Variants in LIN28B observed in about 807,000 individuals in gnomAD.
The protein encoded by LIN28B is lin-28 RNA binding posttranscriptional regulator B.
Under a neutral mutation model 21.9 loss-of-function variants are expected in LIN28B, and 5 were observed. The ratio of observed to expected loss-of-function variants is 0.23; its 90% CI spans 0.12 to 0.48. The LOEUF is 0.48. LIN28B is among the 20% of genes least tolerant of loss of function. The probability of loss-of-function intolerance (pLI) is 0.98; values close to 1 mark genes in which losing one functional copy is unlikely to be tolerated. For missense variants in LIN28B, 245 were observed against 310.5 expected (o/e 0.79, Z 1.58); for synonymous variants, 109 against 111.3 (o/e 0.98, Z 0.13).
chr6:104,997,518 G>T (rs1049921354), intron 2 of LIN28B, among the ~76,000 whole-genome samples: 2 of 151,618 alleles, frequency 1.3e-5, no homozygotes, highest in Non-Finnish European at 2.9e-5. Flanking sequence ...ATATAATATA[G>T]TACCAACAAA....
chr6:105,048,245 T>C (rs1374885264), intron 3 of LIN28B, among the ~76,000 whole-genome samples: 2 of 152,246 alleles, frequency 1.3e-5, no homozygotes, highest in African/African-American at 4.8e-5. Context: ...TTGAATTTCG[T>C]CAAAGGCCTT....
chr6:105,055,595 T>C (rs1268465967), intron 3 of LIN28B, among the ~76,000 whole-genome samples: 1 of 152,158 alleles, frequency 6.6e-6, no homozygotes, highest in African/African-American at 2.4e-5. Flanking sequence ...TATTTCTTTA[T>C]TTTCTTTGAT....
At chr6:105,003,663 C>T (rs904904171) in intron 2 of LIN28B, among the ~76,000 whole-genome samples, 5 of 152,030 alleles carry the variant, frequency 3.3e-5, no homozygotes, top group African/African-American at 9.7e-5. Flanking sequence ...CAGGGGTGCG[C>T]CACCATGCCC....
At position 105,057,908 on chromosome 6, in the gene LIN28B, A is replaced by G. The variant is rs1772050827; in HGVS notation, c.384-20506A>G. On this transcript the variant is annotated intron_variant, in intron 3 of 3. Transcript: ENST00000345080. ...GAAGTGTTGCTTTAAACAAGTTAAA[A>G]CATACTTATTTTATAGTCTGAATCT... 2.0e-5 allele frequency among the ~76,000 whole-genome samples: 3 copies of G among 152,174 alleles called. No individual in the cohort carries two copies. In the South Asian group the frequency reaches 6.2e-4, roughly 32 times the overall value.
chr6:105,040,205 A>T (rs978558347), intron 3 of LIN28B, among the ~76,000 whole-genome samples: 5 of 152,138 alleles, frequency 3.3e-5, no homozygotes, highest in Non-Finnish European at 7.4e-5. Flanking sequence ...AAGCATTCTT[A>T]CATTCCTGTG....
rs369733071 is a variant in LIN28B at position 104,969,880 on chromosome 6, C to T, written c.198+11594C>T. ...TTTATGAGCTGTTCCAATAATGGTG[C>T]AAAGACTACATCTAGACCCAGGTTT... is the stretch of plus-strand genomic sequence containing the variant. On this transcript the variant is annotated intron_variant, in intron 2 of 3. Coordinates refer to ENST00000345080, the MANE Select transcript of LIN28B (RefSeq NM_001004317.4). Among the ~76,000 whole-genome samples, 117 of 152,304 alleles carry T rather than the reference C, an allele frequency of 7.7e-4. 1 individual carries two copies. In the South Asian group the frequency reaches 0.021, roughly 28 times the overall value.
chr6:104,958,023 C>A, intron 1 of LIN28B, 76 bp from the exon 2 acceptor site: 1 of 1,051,390 alleles, frequency 9.5e-7, no homozygotes, highest in South Asian at 3.2e-5. Flanking sequence ...CCCAGGCAGG[C>A]AATTTTTTTT....
chr6:105,034,959 G>A (rs170276), intron 3 of LIN28B, among the ~76,000 whole-genome samples: 114,009 of 151,790 alleles, frequency 0.75, 43,035 homozygotes, highest in East Asian at 0.96. Flanking sequence ...TTTAGAGCAA[G>A]TAAGCTGAAA....
At chr6:105,066,841 T>C (rs562547467) in intron 3 of LIN28B, among the ~76,000 whole-genome samples, 1 of 152,146 alleles carries the variant, frequency 6.6e-6, no homozygotes, top group South Asian at 2.1e-4. Context: ...AATATGACTT[T>C]AGAATGACTT....
intron 3 of LIN28B, among the ~76,000 whole-genome samples, chr6:105,051,206 C>G (rs191616822): frequency 4.5e-4 from 68 of 151,548 alleles, no homozygotes; most frequent in Admixed American, 3.0e-3. Flanking sequence ...TTTGGGAGGC[C>G]GAGTCGGGTG....
At chr6:105,040,520 T>C (rs1288910432) in intron 3 of LIN28B, among the ~76,000 whole-genome samples, 1 of 152,040 alleles carries the variant, frequency 6.6e-6, no homozygotes, top group Admixed American at 6.5e-5. Context: ...TGTTTTATAA[T>C]GTATACTAGT....
chr6:105,036,973 T>C (rs181797869), intron 3 of LIN28B, among the ~76,000 whole-genome samples: 40 of 152,244 alleles, frequency 2.6e-4, no homozygotes, highest in East Asian at 1.7e-3. Context: ...TATGTAGATG[T>C]TTAAATGAAC....
chr6:105,017,357 C>T (rs1771051400), intron 2 of LIN28B, among the ~76,000 whole-genome samples: 1 of 152,092 alleles, frequency 6.6e-6, no homozygotes, highest in African/African-American at 2.4e-5. Context: ...ATTCTCCATA[C>T]ATGTTTGTCT....
At chr6:104,947,957 G>T (rs904739375) in intron 2 of LIN28B, among the ~76,000 whole-genome samples, 1 of 151,948 alleles carries the variant, frequency 6.6e-6, no homozygotes, top group Non-Finnish European at 1.5e-5. Context: ...CATTTTCATG[G>T]ACTGTTATAA....
chr6:105,031,897 A>T (rs1171404269), intron 3 of LIN28B, among the ~76,000 whole-genome samples: 3 of 152,064 alleles, frequency 2.0e-5, no homozygotes, highest in Non-Finnish European at 4.4e-5. Context: ...CAGAAAGTTT[A>T]TTACCCCCAA....
intron 3 of LIN28B, among the ~76,000 whole-genome samples, chr6:105,061,910 T>C (rs942327499): frequency 6.6e-6 from 1 of 152,052 alleles, no homozygotes; most frequent in Admixed American, 6.5e-5. Flanking sequence ...AAATATTACA[T>C]TGTAAAATAT....
At chr6:104,940,547 G>C (rs915945338) in intron 2 of LIN28B, 1 of 150,816 alleles carries the variant, frequency 6.6e-6, no homozygotes, top group Non-Finnish European at 1.5e-5. Flanking sequence ...CCCGGCCCTG[G>C]AATGAATGGA....
At chr6:104,984,535 C>T (rs1173308244) in intron 2 of LIN28B, among the ~76,000 whole-genome samples, 1 of 151,758 alleles carries the variant, frequency 6.6e-6, no homozygotes, top group Non-Finnish European at 1.5e-5. Flanking sequence ...GTCTCCAACT[C>T]CTGGGCCCAA....
intron 3 of LIN28B, among the ~76,000 whole-genome samples, chr6:105,067,202 C>T (rs1334378198): frequency 2.0e-5 from 3 of 152,168 alleles, no homozygotes; most frequent in Admixed American, 6.5e-5. Context: ...AAATATTGAA[C>T]GTCTTCCCTT....
Sources: allele counts gnomAD v4.1 joint callset (sites outside exome capture counted in the v4.1 genomes callset), GRCh38; gene constraint gnomAD v4.1.1; transcripts MANE v1.5; gene names NCBI Gene and HGNC (gene_info 2026-07-23, HGNC 2026-07-21).